Variants in VIPR2 observed in about 807,000 individuals in gnomAD.
VIPR2 encodes the protein vasoactive intestinal polypeptide receptor 2.
In VIPR2, 48 loss-of-function variants were observed where a neutral mutation model predicts 58.0. That is an observed-to-expected ratio of 0.83 (90% CI 0.66 to 1.05). The LOEUF (loss-of-function observed/expected upper bound fraction) is 1.05, where lower values mean the gene tolerates loss of function less well. Ranked by LOEUF, VIPR2 falls within the 50% of genes least tolerant of loss-of-function variation. The pLI, the probability that VIPR2 is intolerant of heterozygous loss-of-function variation, is 0.00. For missense variants in VIPR2, 534 were observed against 558.0 expected (o/e 0.96, Z 0.43); for synonymous variants, 243 against 235.2 (o/e 1.03, Z -0.30).
Position 159,097,309 on chromosome 7 carries a change from G to A in VIPR2, c.357+6448C>T. On this transcript the variant is annotated intron_variant, in intron 4 of 12. Coordinates refer to ENST00000262178, the MANE Select transcript of VIPR2 (RefSeq NM_003382.5). The surrounding 1 kb of genome is among the most constrained non-coding windows in gnomAD (Gnocchi z 5.3). ...CACGGAAGAAATGTGTGCACTTGAA[G>A]CATGGGGAGGCCGAAATGCCAAACA... The A allele has an allele frequency of 7.7e-7, 1 of 1,296,038 alleles. No individual in the cohort carries two copies. The highest frequency in any genetic ancestry group is 9.9e-7 in the Non-Finnish European group (1 of 1,011,436). The allele number at this position is 1,296,038 out of a possible 1,614,324, so 80.3% of individuals were successfully genotyped here.
At chr7:159,101,807 C>T (rs1377476180) in intron 4 of VIPR2, among the ~76,000 whole-genome samples, 9 of 135,282 alleles carry the variant, frequency 6.7e-5, no homozygotes, top group African/African-American at 1.8e-4. Context: ...TCCGACGAGG[C>T]CGTTCCCCCG....
intron 5 of VIPR2, among the ~76,000 whole-genome samples, chr7:159,043,556 C>G (rs2730254): frequency 0.79 from 119,516 of 152,154 alleles, 46,920 homozygotes; most frequent in Middle Eastern, 0.83. Context: ...CAAAGATACT[C>G]AAAGGCTTAT....
chr7:159,046,379 A>G (rs1464540253), intron 5 of VIPR2, among the ~76,000 whole-genome samples: 1 of 152,210 alleles, frequency 6.6e-6, no homozygotes, highest in Non-Finnish European at 1.5e-5. Context: ...ATACTATTCA[A>G]CCATAAAGAG....
chr7:159,130,638 A>G (rs1274490950), intron 2 of VIPR2, among the ~76,000 whole-genome samples: 1 of 152,106 alleles, frequency 6.6e-6, no homozygotes, highest in African/African-American at 2.4e-5. Context: ...CTACCTTTGA[A>G]AAACCCTAGC....
intron 2 of VIPR2, among the ~76,000 whole-genome samples, chr7:159,110,982 A>C (rs1473109935): frequency 6.6e-6 from 1 of 152,256 alleles, no homozygotes; most frequent in African/African-American, 2.4e-5. Flanking sequence ...ATAAATTCAT[A>C]TTACATTAAT....
intron 4 of VIPR2, among the ~76,000 whole-genome samples, chr7:159,084,857 T>C (rs968972668): frequency 6.6e-6 from 1 of 152,186 alleles, no homozygotes; most frequent in African/African-American, 2.4e-5. Context: ...CTTTTGCTTC[T>C]CAAATGTTTT....
intron 3 of VIPR2, among the ~76,000 whole-genome samples, chr7:159,104,501 ACAGCACCCTACCTCCTCCTGG>A (rs1858513257): frequency 8.0e-6 from 1 of 124,434 alleles, no homozygotes. Flanking sequence ...CCAGTTCCTG[ACAGCACCCTACCTCCTCCTGG>A]CAGCACCCTC....
intron 2 of VIPR2, among the ~76,000 whole-genome samples, chr7:159,120,942 C>T (rs1387549879): frequency 6.6e-6 from 1 of 152,312 alleles, no homozygotes; most frequent in South Asian, 2.1e-4. Flanking sequence ...AAACAGGGGC[C>T]GTCCAGCCCT....
intron 4 of VIPR2, among the ~76,000 whole-genome samples, chr7:159,062,523 C>A (rs1410559983): frequency 1.3e-5 from 2 of 152,066 alleles, no homozygotes; most frequent in Non-Finnish European, 2.9e-5. Context: ...GGCGGCCCCT[C>A]TCTGGAGTTG....
rs1796063178 is a variant in VIPR2 at position 159,112,636 on chromosome 7, A to C, written c.152-2717T>G. On this transcript the variant is annotated intron_variant, in intron 2 of 12. Coordinates refer to ENST00000262178, the MANE Select transcript of VIPR2 (RefSeq NM_003382.5). ...GGCAAGGGTGGAGGACGCTGCAGGG[A>C]ACCGACGGGACCCGGCCGAGAGCCC... Among the ~76,000 whole-genome samples the C allele has an allele frequency of 3.0e-5, 4 of 134,674 alleles. No homozygotes were observed. The South Asian group carries it at 1.1e-3, about 36-fold the overall frequency. The allele number at this position is 134,674 out of a possible 152,430, so 88.4% of individuals were successfully genotyped here.
chr7:159,103,637 T>C (rs1278574719), intron 4 of VIPR2, 120 bp downstream of exon 4: 7 of 749,322 alleles, frequency 9.3e-6, no homozygotes, highest in East Asian at 5.1e-5. Context: ...GAAAGTAGCA[T>C]TGGTACTCAG....
intron 2 of VIPR2, among the ~76,000 whole-genome samples, chr7:159,119,920 TGGTAGGTG>T (rs1169903799): frequency 6.6e-6 from 1 of 150,674 alleles, no homozygotes; most frequent in Non-Finnish European, 1.5e-5. Context: ...GCACAAAGCC[TGGTAGGTG>T]GGGTCGGAAG....
At chr7:159,135,419 G>A (rs967374287) in intron 2 of VIPR2, among the ~76,000 whole-genome samples, 2 of 152,034 alleles carry the variant, frequency 1.3e-5, no homozygotes, top group Admixed American at 1.3e-4. Flanking sequence ...GTGACAGAGT[G>A]CGTGAGGCTC....
chr7:159,130,850 GCT>G (rs1195177819), intron 2 of VIPR2, among the ~76,000 whole-genome samples: 2 of 152,326 alleles, frequency 1.3e-5, no homozygotes, highest in African/African-American at 4.8e-5. Flanking sequence ...CCTTTGAAAA[GCT>G]CTGTTAATAA....
chr7:159,049,834 A>G (rs1201700292), intron 5 of VIPR2, among the ~76,000 whole-genome samples: 2 of 152,172 alleles, frequency 1.3e-5, no homozygotes, highest in Admixed American at 1.3e-4. Flanking sequence ...CAAACCAGAG[A>G]GCACCTGGCT....
chr7:159,139,656 C>T (rs1797382362), intron 2 of VIPR2, among the ~76,000 whole-genome samples: 1 of 152,272 alleles, frequency 6.6e-6, no homozygotes, highest in South Asian at 2.1e-4. Context: ...CATTCACAGT[C>T]AGATCCATTT....
rs767482811 is a variant in VIPR2 at position 159,058,496 on chromosome 7, A to AT, written c.439dup (p.Ile147AsnfsTer48). 1 of 1,613,220 alleles carries AT rather than the reference A, an allele frequency of 6.2e-7. No homozygotes were observed. The highest frequency in any genetic ancestry group is 8.5e-7 in the Non-Finnish European group (1 of 1,179,204). Reference sequence around the variant, plus strand: ...TGCTCCTTACCTGAAGAGGCACAGAATTATGCTTCCTGTTGCAAGAGACAT... The same window carrying AT: ...TGCTCCTTACCTGAAGAGGCACAGAATTTATGCTTCCTGTTGCAAGAGACAT... On this transcript the variant is annotated frameshift_variant, in exon 5 of 13. Transcript: ENST00000262178. LOFTEE classifies it high-confidence loss of function.
intron 2 of VIPR2, among the ~76,000 whole-genome samples, chr7:159,139,132 T>C (rs1292493764): frequency 1.3e-5 from 2 of 152,230 alleles, no homozygotes; most frequent in Non-Finnish European, 2.9e-5. Flanking sequence ...CCAAGTATGA[T>C]AGAGAATATG....
At chr7:159,082,547 A>G (rs1424399295) in intron 4 of VIPR2, among the ~76,000 whole-genome samples, 1 of 152,246 alleles carries the variant, frequency 6.6e-6, no homozygotes, top group Non-Finnish European at 1.5e-5. Flanking sequence ...GCAGCACACC[A>G]ACATGGCACA....
Sources: allele counts gnomAD v4.1 joint callset (sites outside exome capture counted in the v4.1 genomes callset), GRCh38; gene constraint gnomAD v4.1.1; non-coding constraint Gnocchi (gnomAD v3.1); transcripts MANE v1.5; gene names NCBI Gene and HGNC (gene_info 2026-07-23, HGNC 2026-07-21).